KCNN2: variants seen among roughly 807,000 people sequenced by gnomAD.
KCNN2 encodes the protein small conductance calcium-activated potassium channel protein 2.
KCNN2 carries 24 observed loss-of-function variants against 55.5 expected under a neutral mutation model. The observed-to-expected ratio is 0.43, with a 90% CI of 0.31 to 0.61. The LOEUF is 0.61. KCNN2 is among the 20% of genes least tolerant of loss of function. The pLI is 0.08. For synonymous variants in KCNN2, 431 were observed against 336.1 expected (o/e 1.28, Z -3.09); for missense variants, 754 against 853.6 (o/e 0.88, Z 1.45).
chr5:114,212,951 A>C (rs956838103), intron 1 of KCNN2, among the ~76,000 whole-genome samples: 3 of 152,000 alleles, frequency 2.0e-5, no homozygotes, highest in African/African-American at 7.2e-5. Flanking sequence ...ATATAATGCA[A>C]TTAATTAAGA....
chr5:114,489,606 A>T (rs140661368), intron 6 of KCNN2, among the ~76,000 whole-genome samples: 2 of 152,334 alleles, frequency 1.3e-5, no homozygotes, highest in African/African-American at 2.4e-5. Flanking sequence ...TTTCCATTAC[A>T]GTGGGGGACA....
rs1261256144 is a variant in KCNN2 at position 114,404,506 on chromosome 5, C to A, written c.1287C>A (p.Ile429=). The A allele has an allele frequency of 1.9e-6, 3 of 1,613,362 alleles. No homozygotes were observed. In the Admixed American group the frequency reaches 5.0e-5, roughly 27 times the overall value. Residue 429 remains isoleucine (I), a synonymous_variant, in exon 3 of 8, where the codon ATC becomes ATA. Transcript: ENST00000673685. ...IAMTYERIFF[I]CLEILVCAIH... is the part of the protein sequence containing the mutation. ...TGACTTATGAGCGTATTTTCTTCAT[C>A]TGCTTGGAAATACTGGTGTGTGCTA...
chr5:114,228,034 A>C (rs993885395), intron 2 of KCNN2, among the ~76,000 whole-genome samples: 6 of 132,134 alleles, frequency 4.5e-5, no homozygotes, highest in African/African-American at 1.6e-4. Flanking sequence ...TGATGATGAA[A>C]GAAGAAGGAG....
chr5:114,467,880 G>A (rs1761529528), intron 4 of KCNN2, among the ~76,000 whole-genome samples: 1 of 152,098 alleles, frequency 6.6e-6, no homozygotes, highest in Non-Finnish European at 1.5e-5. Context: ...CACTCACACT[G>A]GCACTGTTGC....
intron 3 of KCNN2, among the ~76,000 whole-genome samples, chr5:114,405,355 C>T (rs1411915823): frequency 6.6e-6 from 1 of 152,096 alleles, no homozygotes; most frequent in Non-Finnish European, 1.5e-5. Context: ...TATGGGTATG[C>T]GTATTAGTTT....
At position 114,468,741 on chromosome 5, in the gene KCNN2, T is replaced by C. The variant is rs143311248; in HGVS notation, c.1780-4313T>C. On this transcript the variant is annotated intron_variant, in intron 4 of 7. Transcript: ENST00000673685. The stretch of plus-strand genomic sequence containing the variant: ...ATAAATTTCATTATTATGTTGAATC[T>C]TTTGAAGATGTCTTTTTCACAGTTG... Among the ~76,000 whole-genome samples the C allele has an allele frequency of 1.7e-3, 260 of 152,338 alleles. 1 individual carries two copies. The highest frequency in any genetic ancestry group is 3.4e-3 in the Middle Eastern group (1 of 294).
At chr5:114,240,513 C>T (rs1382433818) in intron 2 of KCNN2, among the ~76,000 whole-genome samples, 2 of 150,642 alleles carry the variant, frequency 1.3e-5, no homozygotes, top group African/African-American at 2.4e-5. Context: ...TCACTTCAAC[C>T]TCCACTTTCC....
intron 2 of KCNN2, among the ~76,000 whole-genome samples, chr5:114,270,588 G>C (rs993685652): frequency 6.6e-6 from 1 of 152,000 alleles, no homozygotes; most frequent in African/African-American, 2.4e-5. Flanking sequence ...AAACACAATG[G>C]GAATCATTAA....
At chr5:114,148,317 A>G (rs1752446671) in intron 1 of KCNN2, among the ~76,000 whole-genome samples, 1 of 152,172 alleles carries the variant, frequency 6.6e-6, no homozygotes, top group African/African-American at 2.4e-5. Flanking sequence ...TAAGTCTGTT[A>G]CCATCCTCCA....
At chr5:114,185,761 A>G (rs1020126529) in intron 1 of KCNN2, among the ~76,000 whole-genome samples, 1 of 152,216 alleles carries the variant, frequency 6.6e-6, no homozygotes, top group Non-Finnish European at 1.5e-5. Context: ...CAAAATTTGC[A>G]TGATTGCTCA....
At chr5:114,237,423 A>T (rs116204988) in intron 2 of KCNN2, among the ~76,000 whole-genome samples, 4,517 of 152,102 alleles carry the variant, frequency 0.03, 223 homozygotes, top group African/African-American at 0.1. Context: ...GCTGACCTAG[A>T]TTAGTATCTT....
intron 1 of KCNN2, among the ~76,000 whole-genome samples, chr5:114,073,948 G>A (rs1364307517): frequency 6.6e-6 from 1 of 152,078 alleles, no homozygotes; most frequent in Middle Eastern, 3.2e-3. Context: ...GTGACATAGG[G>A]TTTCATTTAA....
At chr5:114,317,325 G>A (rs952081542) in intron 2 of KCNN2, among the ~76,000 whole-genome samples, 3 of 152,034 alleles carry the variant, frequency 2.0e-5, no homozygotes, top group Non-Finnish European at 4.4e-5. Context: ...CGGACCTGCA[G>A]TGTCTTGTTG....
chr5:114,105,176 G>A (rs1216241412), intron 1 of KCNN2, among the ~76,000 whole-genome samples: 1 of 151,946 alleles, frequency 6.6e-6, no homozygotes, highest in Non-Finnish European at 1.5e-5. Flanking sequence ...AACTATTCCT[G>A]TTCATCTTTG....
chr5:114,477,384 T>TATGA (rs1329445695), intron 5 of KCNN2, among the ~76,000 whole-genome samples: 7 of 152,200 alleles, frequency 4.6e-5, no homozygotes, highest in Admixed American at 4.6e-4. Flanking sequence ...TGTTTCTCTG[T>TATGA]ATGACTACAT....
At chr5:114,335,019 G>A (rs1333269595) in intron 2 of KCNN2, among the ~76,000 whole-genome samples, 2 of 152,118 alleles carry the variant, frequency 1.3e-5, no homozygotes, top group African/African-American at 4.8e-5. Context: ...TGCCTTCTGG[G>A]TTCACGCCAT....
At chr5:114,063,610 T>G (rs1754653808) in intron 1 of KCNN2, among the ~76,000 whole-genome samples, 1 of 152,094 alleles carries the variant, frequency 6.6e-6, no homozygotes, top group Non-Finnish European at 1.5e-5. Flanking sequence ...TTGAGAAGAC[T>G]CAGGTGAGGA....
chr5:114,333,345 T>C (rs1039571235), intron 2 of KCNN2, among the ~76,000 whole-genome samples: 2 of 152,252 alleles, frequency 1.3e-5, no homozygotes, highest in East Asian at 1.9e-4. Context: ...ATCTGACTTA[T>C]GTTCTGCATT....
At chr5:114,483,971 T>C (rs181996900) in intron 5 of KCNN2, among the ~76,000 whole-genome samples, 59 of 152,318 alleles carry the variant, frequency 3.9e-4, no homozygotes, top group African/African-American at 1.3e-3. Flanking sequence ...TGGAAATGCA[T>C]TGATCCATTT....
Sources: gnomAD v4.1 joint callset for allele counts (sites outside exome capture counted in the v4.1 genomes callset) on GRCh38, gnomAD v4.1.1 for gene constraint, MANE v1.5 for transcripts, NCBI Gene and HGNC (gene_info 2026-07-23, HGNC 2026-07-21) for gene names.